Variants in NXPH1 observed in about 807,000 individuals in gnomAD.
NXPH1 encodes neurexophilin-1.
A neutral mutation model predicts 23.7 loss-of-function variants in NXPH1; 5 were observed. The observed-to-expected ratio is 0.21, with a 90% CI of 0.11 to 0.44. The LOEUF is 0.44. Among genes scored for constraint, NXPH1 ranks in the 20% least tolerant of loss-of-function variants. NXPH1 has a pLI of 0.99. For missense variants in NXPH1, 324 were observed against 321.6 expected (o/e 1.01, Z -0.06); for synonymous variants, 144 against 122.2 (o/e 1.18, Z -1.18).
intron 2 of NXPH1, among the ~76,000 whole-genome samples, chr7:8,549,277 T>C (rs927891445): frequency 6.6e-6 from 1 of 151,528 alleles, no homozygotes; most frequent in Non-Finnish European, 1.5e-5. Flanking sequence ...CATTAAATTA[T>C]GCTGAGTTAA....
intron 2 of NXPH1, among the ~76,000 whole-genome samples, chr7:8,672,475 A>AT (rs201548610): frequency 0.018 from 2,666 of 152,148 alleles, 77 homozygotes; most frequent in African/African-American, 0.06. Context: ...TATAATAATA[A>AT]AAAAAGATTA....
intron 2 of NXPH1, among the ~76,000 whole-genome samples, chr7:8,494,945 A>C (rs2128611727): frequency 6.6e-6 from 1 of 152,186 alleles, no homozygotes; most frequent in South Asian, 2.1e-4. Flanking sequence ...CTCTTGGTTA[A>C]GTTCATGCTT....
rs112239941 is a variant in NXPH1, at chr7:8,606,571, T to C, written c.55-144437T>C. ...CATCTGAAACAAGCATAGTATAAAA[T>C]TTCTGCCAGGCATTGGAAGTTAAGG... On this transcript the variant is annotated intron_variant, in intron 2 of 2. Transcript: ENST00000405863. Among the ~76,000 whole-genome samples, 1,514 of 152,298 alleles carry C rather than the reference T, an allele frequency of 9.9e-3. 22 individuals carry two copies. The highest frequency in any genetic ancestry group is 0.035 in the African/African-American group (1,435 of 41,560).
intron 2 of NXPH1, among the ~76,000 whole-genome samples, chr7:8,735,192 G>T (rs1197193781): frequency 6.6e-6 from 1 of 152,134 alleles, no homozygotes; most frequent in Non-Finnish European, 1.5e-5. Context: ...AATAGGAGTG[G>T]TGAGTGAGGG....
chr7:8,583,780 C>T lies in NXPH1; in HGVS notation c.54+148013C>T, dbSNP rs115350532. 3.7e-3 allele frequency among the ~76,000 whole-genome samples: 558 copies of T among 152,190 alleles called. 5 individuals carry two copies. Among genetic ancestry groups the T allele is most frequent in the African/African-American group, 0.013 (527 of 41,526 alleles). ...GACAAAGGTGAGAGGGCAGGTAGTC[C>T]CCTCCCATTCCCTCTTTATCTTTTG... is the stretch of plus-strand genomic sequence containing the variant. On this transcript the variant is annotated intron_variant, in intron 2 of 2. Transcript: ENST00000405863.
chr7:8,712,142 T>G (rs1449015546), intron 2 of NXPH1, among the ~76,000 whole-genome samples: 1 of 152,216 alleles, frequency 6.6e-6, no homozygotes, highest in Non-Finnish European at 1.5e-5. Flanking sequence ...TCTTAGGAGC[T>G]AGATTCAAGC....
intron 2 of NXPH1, among the ~76,000 whole-genome samples, chr7:8,571,989 G>A (rs1382522843): frequency 6.6e-6 from 1 of 151,832 alleles, no homozygotes; most frequent in Non-Finnish European, 1.5e-5. Flanking sequence ...GGCTTGAAAG[G>A]TTATTTAGCC....
chr7:8,574,622 A>T (rs146918235), intron 2 of NXPH1, among the ~76,000 whole-genome samples: 223 of 152,292 alleles, frequency 1.5e-3, no homozygotes, highest in South Asian at 7.3e-3. Context: ...TGGTGTCTGC[A>T]TCACATGTAC....
intron 2 of NXPH1, among the ~76,000 whole-genome samples, chr7:8,496,794 A>G (rs1389582652): frequency 6.6e-6 from 1 of 152,088 alleles, no homozygotes; most frequent in East Asian, 1.9e-4. Flanking sequence ...TCCTTTTCTT[A>G]TGCTCAGATA....
At chr7:8,513,538 T>A (rs1030949931) in intron 2 of NXPH1, among the ~76,000 whole-genome samples, 3 of 152,138 alleles carry the variant, frequency 2.0e-5, no homozygotes, top group African/African-American at 7.2e-5. Context: ...TGCATCTATT[T>A]CTAAAACCTG....
chr7:8,699,828 A>G (rs531988378), intron 2 of NXPH1, among the ~76,000 whole-genome samples: 8 of 152,102 alleles, frequency 5.3e-5, no homozygotes, highest in Non-Finnish European at 1.2e-4. Flanking sequence ...CTTAATCTTC[A>G]TGTTGCACCT....
intron 2 of NXPH1, among the ~76,000 whole-genome samples, chr7:8,547,899 C>G (rs1326753794): frequency 6.6e-6 from 1 of 151,448 alleles, no homozygotes; most frequent in East Asian, 2.0e-4. Context: ...TTGATGAAAA[C>G]TTAGGTTGGT....
At chr7:8,503,621 A>C (rs1271574909) in intron 2 of NXPH1, among the ~76,000 whole-genome samples, 1 of 151,778 alleles carries the variant, frequency 6.6e-6, no homozygotes. Flanking sequence ...CCTCAAACCT[A>C]CTTTCTTTTT....
At chr7:8,477,927 G>A (rs899886276) in intron 2 of NXPH1, among the ~76,000 whole-genome samples, 2 of 151,928 alleles carry the variant, frequency 1.3e-5, no homozygotes, top group South Asian at 4.2e-4. Flanking sequence ...TTTAAATCTG[G>A]GATTTAAAAG....
At chr7:8,578,743 A>T (rs1247408606) in intron 2 of NXPH1, among the ~76,000 whole-genome samples, 1 of 152,204 alleles carries the variant, frequency 6.6e-6, no homozygotes, top group African/African-American at 2.4e-5. Context: ...GCTGCCAAGG[A>T]TCAGGCATAA....
chr7:8,689,998 G>A (rs1821201055), intron 2 of NXPH1, among the ~76,000 whole-genome samples: 1 of 152,170 alleles, frequency 6.6e-6, no homozygotes, highest in Non-Finnish European at 1.5e-5. Context: ...ATAAGCCTAG[G>A]TGAATATGAA....
At chr7:8,690,068 G>T (rs577570878) in intron 2 of NXPH1, among the ~76,000 whole-genome samples, 1 of 152,226 alleles carries the variant, frequency 6.6e-6, no homozygotes, top group African/African-American at 2.4e-5. Flanking sequence ...ATAGTGTAAT[G>T]TGAGTATTTT....
intron 2 of NXPH1, among the ~76,000 whole-genome samples, chr7:8,502,731 G>A (rs1423809500): frequency 6.6e-6 from 1 of 151,490 alleles, no homozygotes; most frequent in Non-Finnish European, 1.5e-5. Flanking sequence ...AACTCATTAG[G>A]AAGTGCATAA....
chr7:8,535,305 TAG>T (rs1818010920), intron 2 of NXPH1, among the ~76,000 whole-genome samples: 1 of 152,130 alleles, frequency 6.6e-6, no homozygotes. Context: ...GGGACAAATT[TAG>T]AGATACATAA....
Sources: gnomAD v4.1 joint callset for allele counts (sites outside exome capture counted in the v4.1 genomes callset) on GRCh38, gnomAD v4.1.1 for gene constraint, MANE v1.5 for transcripts, NCBI Gene and HGNC (gene_info 2026-07-23, HGNC 2026-07-21) for gene names.